Variants in MINDY3 observed in about 807,000 individuals in gnomAD.
The protein encoded by MINDY3 is MINDY lysine 48 deubiquitinase 3.
A neutral mutation model predicts 69.2 loss-of-function variants in MINDY3; 38 were observed. The ratio of observed to expected loss-of-function variants is 0.55; its 90% CI spans 0.42 to 0.72. The LOEUF (loss-of-function observed/expected upper bound fraction) is 0.72, where lower values mean the gene tolerates loss of function less well. MINDY3 is among the 30% of genes least tolerant of loss of function. MINDY3 has a pLI of 0.00. For missense variants in MINDY3, 522 were observed against 519.0 expected (o/e 1.01, Z -0.06); for synonymous variants, 192 against 180.1 (o/e 1.07, Z -0.53).
intron 8 of MINDY3, among the ~76,000 whole-genome samples, chr10:15,829,585 T>C (rs1162587116): frequency 2.0e-5 from 3 of 152,268 alleles, no homozygotes; most frequent in Non-Finnish European, 4.4e-5. Flanking sequence ...GCTGAAACTT[T>C]AGTTGGCAAG....
rs547388092 is a variant in MINDY3 at position 15,794,416 on chromosome 10, C to T, written c.955+1684G>A. 6.6e-5 allele frequency among the ~76,000 whole-genome samples: 10 copies of T among 152,190 alleles called. No homozygotes were observed. The South Asian group carries it at 1.5e-3, about 22-fold the overall frequency. On this transcript the variant is annotated intron_variant, in intron 11 of 14. Coordinates refer to ENST00000277632, the MANE Select transcript of MINDY3 (RefSeq NM_024948.4). ...GCTGACTATACACATAGCTAAACCA[C>T]GAACAGTGTGATATTTAGATGAAAA...
chr10:15,823,366 C>T (rs1839895946), intron 8 of MINDY3, among the ~76,000 whole-genome samples: 1 of 152,102 alleles, frequency 6.6e-6, no homozygotes, highest in African/African-American at 2.4e-5. Context: ...TACACTTACT[C>T]TCTCATAAGC....
At chr10:15,851,011 A>C (rs530964735) in intron 1 of MINDY3, among the ~76,000 whole-genome samples, 1 of 152,248 alleles carries the variant, frequency 6.6e-6, no homozygotes, top group African/African-American at 2.4e-5. Context: ...ACTCATTCTC[A>C]CCCAAGTTCA....
intron 11 of MINDY3, among the ~76,000 whole-genome samples, chr10:15,791,487 C>T (rs920778913): frequency 5.3e-5 from 8 of 151,930 alleles, no homozygotes; most frequent in African/African-American, 1.9e-4. Context: ...AACTTGCATA[C>T]ACTGGTAAAT....
intron 10 of MINDY3, among the ~76,000 whole-genome samples, chr10:15,816,277 AAAATGAAAAAG>A: frequency 1.4e-5 from 2 of 141,250 alleles, no homozygotes; most frequent in African/African-American, 6.3e-5. Context: ...AAAAAAAAAA[AAAATGAAAAAG>A]AAAAAAAATA....
chr10:15,818,313 G>C (rs558904555), intron 9 of MINDY3, among the ~76,000 whole-genome samples: 1 of 148,394 alleles, frequency 6.7e-6, no homozygotes, highest in South Asian at 2.1e-4. Flanking sequence ...AATTAAGGTA[G>C]AAGTAAAAAA....
Position 15,796,091 on chromosome 10 carries a change from A to G in MINDY3, c.955+9T>C. 1.2e-6 allele frequency: 2 copies of G among 1,608,240 alleles called. No individual in the cohort carries two copies. Among genetic ancestry groups the G allele is most frequent in the Non-Finnish European group, 1.7e-6 (2 of 1,175,162 alleles). On this transcript the variant is annotated intron_variant, in intron 11 of 14. Transcript: ENST00000277632. ...CATAAAACACAGAGATGATGTTAAA[A>G]TCTTTTACCTTCTGGGTCGTAGGTT...
At chr10:15,846,894 T>C (rs911817082) in intron 2 of MINDY3, among the ~76,000 whole-genome samples, 1 of 152,060 alleles carries the variant, frequency 6.6e-6, no homozygotes, top group African/African-American at 2.4e-5. Context: ...CGGCTAGTTT[T>C]TTGTATTTTT....
At chr10:15,839,611 A>G (rs1833321712) in intron 4 of MINDY3, among the ~76,000 whole-genome samples, 1 of 151,676 alleles carries the variant, frequency 6.6e-6, no homozygotes, top group African/African-American at 2.4e-5. Flanking sequence ...CAAAATAAAA[A>G]GCTTAGCAGG....
At chr10:15,826,351 A>G (rs1840084648) in intron 8 of MINDY3, among the ~76,000 whole-genome samples, 1 of 152,194 alleles carries the variant, frequency 6.6e-6, no homozygotes, top group South Asian at 2.1e-4. Flanking sequence ...TTTCTGTTCT[A>G]TTGGAGAAGC....
At chr10:15,779,779 C>G (rs10508494) in intron 14 of MINDY3, among the ~76,000 whole-genome samples, 57,565 of 151,962 alleles carry the variant, frequency 0.38, 14,236 homozygotes, top group African/African-American at 0.71. Context: ...GTAAAAGAGA[C>G]GTTGAAAGAT....
chr10:15,794,933 A>ATAGT (rs1774031763), intron 11 of MINDY3, among the ~76,000 whole-genome samples: 1 of 151,932 alleles, frequency 6.6e-6, no homozygotes, highest in South Asian at 2.1e-4. Flanking sequence ...TTATTCTTTA[A>ATAGT]TAGTTATTAT....
At chr10:15,841,746 G>T in intron 3 of MINDY3, 147 bp from the exon 4 acceptor site, 1 of 516,252 alleles carries the variant, frequency 1.9e-6, no homozygotes, top group Non-Finnish European at 3.4e-6. Context: ...TTTAAATTAT[G>T]TCTTAGAAAA....
intron 1 of MINDY3, among the ~76,000 whole-genome samples, chr10:15,855,534 C>T (rs1226869733): frequency 2.0e-5 from 3 of 152,056 alleles, no homozygotes; most frequent in African/African-American, 7.2e-5. Context: ...TATCACATTA[C>T]ACAGTACTAC....
intron 8 of MINDY3, among the ~76,000 whole-genome samples, chr10:15,833,336 A>C (rs1463330812): frequency 6.6e-6 from 1 of 152,220 alleles, no homozygotes; most frequent in Non-Finnish European, 1.5e-5. Flanking sequence ...ATAAATATGC[A>C]CTGTGTTTAT....
chr10:15,779,441 T>G (rs1836345663), intron 14 of MINDY3, among the ~76,000 whole-genome samples: 1 of 152,182 alleles, frequency 6.6e-6, no homozygotes, highest in South Asian at 2.1e-4. Flanking sequence ...TCAACGGATC[T>G]ATACCATCGG....
chr10:15,841,787 C>T (rs897533910), intron 3 of MINDY3, among the ~76,000 whole-genome samples, 188 bp from the exon 4 acceptor site: 1 of 151,662 alleles, frequency 6.6e-6, no homozygotes, highest in Non-Finnish European at 1.5e-5. Flanking sequence ...AATATCACCA[C>T]TTTAAATAAA....
At chr10:15,855,485 A>T (rs987392402) in intron 1 of MINDY3, among the ~76,000 whole-genome samples, 5 of 152,110 alleles carry the variant, frequency 3.3e-5, no homozygotes, top group Non-Finnish European at 7.4e-5. Context: ...GTCTGAAATT[A>T]CCCATCTTAA....
At chr10:15,849,692 G>C (rs1278692472) in intron 1 of MINDY3, among the ~76,000 whole-genome samples, 1 of 152,104 alleles carries the variant, frequency 6.6e-6, no homozygotes, top group East Asian at 1.9e-4. Flanking sequence ...CCAGGTGAGA[G>C]CAATGGAGAG....
Sources: gnomAD v4.1 joint callset for allele counts (sites outside exome capture counted in the v4.1 genomes callset) on GRCh38, gnomAD v4.1.1 for gene constraint, MANE v1.5 for transcripts, NCBI Gene and HGNC (gene_info 2026-07-23, HGNC 2026-07-21) for gene names.